RPIA: variants seen among roughly 807,000 people sequenced by gnomAD.
RPIA encodes the protein ribose-5-phosphate isomerase.
A neutral mutation model predicts 37.8 loss-of-function variants in RPIA; 29 were observed. The ratio of observed to expected loss-of-function variants is 0.77; its 90% CI spans 0.57 to 1.05. The LOEUF (loss-of-function observed/expected upper bound fraction) is 1.05, where lower values mean the gene tolerates loss of function less well. RPIA is among the 50% of genes least tolerant of loss of function. The probability of loss-of-function intolerance (pLI) is 0.00; values close to 1 mark genes in which losing one functional copy is unlikely to be tolerated. For missense variants in RPIA, 385 were observed against 413.6 expected (o/e 0.93, Z 0.60); for synonymous variants, 167 against 157.0 (o/e 1.06, Z -0.48).
intron 8 of RPIA, among the ~76,000 whole-genome samples, chr2:88,745,738 C>T (rs1673431327): frequency 6.6e-6 from 1 of 152,178 alleles, no homozygotes; most frequent in Non-Finnish European, 1.5e-5. Flanking sequence ...TTTAGATGAC[C>T]TGATGACTAT....
intron 3 of RPIA, among the ~76,000 whole-genome samples, chr2:88,728,999 G>A (rs1179445857): frequency 6.6e-6 from 1 of 152,176 alleles, no homozygotes; most frequent in African/African-American, 2.4e-5. Context: ...TTAGGATGCC[G>A]TGGCATTCTC....
chr2:88,706,626 T>C (rs1396421970), intron 3 of RPIA, among the ~76,000 whole-genome samples: 1 of 151,888 alleles, frequency 6.6e-6, no homozygotes, highest in East Asian at 1.9e-4. Flanking sequence ...AGGTGATGGG[T>C]TGATAGATGC....
intron 3 of RPIA, among the ~76,000 whole-genome samples, chr2:88,723,891 A>G (rs1673164428): frequency 2.0e-5 from 3 of 152,078 alleles, no homozygotes; most frequent in African/African-American, 7.2e-5. Context: ...GGACAACTCA[A>G]GCAAAGGCGG....
intron 3 of RPIA, among the ~76,000 whole-genome samples, chr2:88,725,608 A>G (rs990167067): frequency 6.6e-6 from 1 of 152,188 alleles, no homozygotes; most frequent in African/African-American, 2.4e-5. Flanking sequence ...TAATAAGGAC[A>G]TCAGTCATAC....
At chr2:88,729,688 A>G (rs1558697729) in intron 4 of RPIA, among the ~76,000 whole-genome samples, 1 of 152,234 alleles carries the variant, frequency 6.6e-6, no homozygotes, top group Non-Finnish European at 1.5e-5. Context: ...AGGAAGAATC[A>G]TCTGAGGCAG....
At chr2:88,698,453 G>C in intron 1 of RPIA, 31 bp from the exon 2 acceptor site, 1 of 1,601,938 alleles carries the variant, frequency 6.2e-7, no homozygotes, top group Non-Finnish European at 8.6e-7. Context: ...ATATTAATAA[G>C]TTTTGTTTTT....
chr2:88,726,184 C>T (rs1334559063), intron 3 of RPIA, among the ~76,000 whole-genome samples: 3 of 152,102 alleles, frequency 2.0e-5, no homozygotes, highest in African/African-American at 7.2e-5. Context: ...CCAGGCCCTT[C>T]TCATGTGCCA....
intron 3 of RPIA, among the ~76,000 whole-genome samples, chr2:88,716,527 T>C (rs1378912574): frequency 6.6e-6 from 1 of 152,186 alleles, no homozygotes; most frequent in Non-Finnish European, 1.5e-5. Context: ...TGATCCTGTG[T>C]TTTTAAAATA....
chr2:88,697,204 C>T (rs1672758038), intron 1 of RPIA, among the ~76,000 whole-genome samples: 1 of 152,204 alleles, frequency 6.6e-6, no homozygotes, highest in Admixed American at 6.5e-5. Context: ...TCCAGCATCC[C>T]ATTGGAAGGA....
At chr2:88,726,112 TG>T (rs1309586838) in intron 3 of RPIA, among the ~76,000 whole-genome samples, 2 of 152,008 alleles carry the variant, frequency 1.3e-5, no homozygotes, top group African/African-American at 4.8e-5. Context: ...GGGTGGAGTA[TG>T]GGGGTATGCA....
intron 3 of RPIA, among the ~76,000 whole-genome samples, chr2:88,722,863 C>T (rs897551587): frequency 6.6e-6 from 1 of 152,138 alleles, no homozygotes; most frequent in African/African-American, 2.4e-5. Context: ...TCATTATAAA[C>T]CTCTAGACTG....
At chr2:88,704,645 A>G (rs561852049) in intron 3 of RPIA, among the ~76,000 whole-genome samples, 1 of 152,272 alleles carries the variant, frequency 6.6e-6, no homozygotes, top group South Asian at 2.1e-4. Context: ...ACCATATATT[A>G]TATTGAGCAG....
chr2:88,712,880 T>G (rs1483910140), intron 3 of RPIA, among the ~76,000 whole-genome samples: 1 of 151,746 alleles, frequency 6.6e-6, no homozygotes, highest in Non-Finnish European at 1.5e-5. Flanking sequence ...TCTTCTTTTC[T>G]TTTTTTAGAC....
chr2:88,699,416 A>G (rs997196024), intron 2 of RPIA, among the ~76,000 whole-genome samples: 1 of 151,064 alleles, frequency 6.6e-6, no homozygotes, highest in Admixed American at 6.6e-5. Flanking sequence ...TTTTTTTTTA[A>G]ATCAAACTTT....
Position 88,744,669 on chromosome 2 carries a change from C to T in RPIA, c.839-5312C>T, listed in dbSNP as rs184749392. 3.8e-3 allele frequency among the ~76,000 whole-genome samples: 581 copies of T among 152,174 alleles called. 1 individual carries two copies. Among genetic ancestry groups the T allele is most frequent in the Non-Finnish European group, 4.5e-3 (308 of 68,010 alleles). On this transcript the variant is annotated intron_variant, in intron 8 of 8. Coordinates refer to ENST00000283646, the MANE Select transcript of RPIA (RefSeq NM_144563.3). Reference sequence around the variant, plus strand: ...TAGTAGTAACAGTTTTATAAATTTGCGAGCTTTAGTATTAGGTGCATATAT... The same window carrying T: ...TAGTAGTAACAGTTTTATAAATTTGTGAGCTTTAGTATTAGGTGCATATAT...
intron 4 of RPIA, among the ~76,000 whole-genome samples, chr2:88,732,753 A>T (rs1445473098): frequency 1.7e-4 from 2 of 12,068 alleles, no homozygotes; most frequent in East Asian, 1.4e-3. Flanking sequence ...AAAAAAAAAA[A>T]AAAAAAAAAA....
Position 88,735,721 on chromosome 2 carries a change from G to A in RPIA, c.580G>A (p.Val194Met), listed in dbSNP as rs1280247064. 6.2e-6 allele frequency: 10 copies of A among 1,613,900 alleles called. No individual in the cohort carries two copies. Among genetic ancestry groups the A allele is most frequent in the Admixed American group, 5.0e-5 (3 of 59,990 alleles). Residue 194 changes from valine to methionine, a missense_variant, in exon 6 of 9, where the codon GTG becomes ATG. By Grantham distance (21) the Val-to-Met change is conservative. Transcript: ENST00000283646. ...IVAGYASRFI[V>M]IADFRKDSKN... ...GGCTGGCTATGCTAGTCGCTTCATCGTGATCGCTGATTTCAGGTACAGTTT... is the reference window on the plus strand; with the variant it reads ...GGCTGGCTATGCTAGTCGCTTCATCATGATCGCTGATTTCAGGTACAGTTT...
intron 8 of RPIA, among the ~76,000 whole-genome samples, chr2:88,746,652 G>A (rs1673441163): frequency 6.6e-6 from 1 of 152,222 alleles, no homozygotes; most frequent in Non-Finnish European, 1.5e-5. Context: ...ACCTGCTTCG[G>A]TGGAGGTGGC....
At chr2:88,713,120 A>ATATATATTT (rs1041923467) in intron 3 of RPIA, among the ~76,000 whole-genome samples, 4 of 65,292 alleles carry the variant, frequency 6.1e-5, no homozygotes, top group African/African-American at 3.2e-4. Flanking sequence ...ATATATATAT[A>ATATATATTT]TTTTTTTTTT....
Sources: allele counts gnomAD v4.1 joint callset (sites outside exome capture counted in the v4.1 genomes callset), GRCh38; gene constraint gnomAD v4.1.1; transcripts MANE v1.5; gene names NCBI Gene and HGNC (gene_info 2026-07-23, HGNC 2026-07-21).